Variants in SRFBP1 observed in about 807,000 individuals in gnomAD.
The protein encoded by SRFBP1 is serum response factor binding protein 1, also known as serum response factor-binding protein 1.
A neutral mutation model predicts 45.5 loss-of-function variants in SRFBP1; 47 were observed. That is an observed-to-expected ratio of 1.03 (90% CI 0.82 to 1.32). The LOEUF is 1.32. Among genes scored for constraint, SRFBP1 ranks in the 40% most tolerant of loss-of-function variants. The pLI, the probability that SRFBP1 is intolerant of heterozygous loss-of-function variation, is 0.00. For synonymous variants in SRFBP1, 203 were observed against 166.3 expected, an observed-to-expected ratio of 1.22 and a Z score of -1.70; for missense variants, 621 against 484.6, an observed-to-expected ratio of 1.28 and a Z score of -2.64.
At chr5:121,982,070 A>G (rs974563180) in intron 3 of SRFBP1, among the ~76,000 whole-genome samples, 8 of 151,940 alleles carry the variant, frequency 5.3e-5, no homozygotes, top group African/African-American at 1.9e-4. Context: ...ATCTGTAATC[A>G]GAAGCTTTTC....
chr5:121,967,575 A>G (rs1020952859), intron 1 of SRFBP1, among the ~76,000 whole-genome samples: 1 of 152,164 alleles, frequency 6.6e-6, no homozygotes, highest in Admixed American at 6.5e-5. Context: ...GCCTCACTCT[A>G]TAATCCCAGC....
At chr5:122,002,477 A>T (rs1292686256) in intron 4 of SRFBP1, among the ~76,000 whole-genome samples, 1 of 152,198 alleles carries the variant, frequency 6.6e-6, no homozygotes. Context: ...ATTCTTACCA[A>T]TGACTTTTAT....
At chr5:122,057,897 T>C (rs1049686991) in intron 2 of SRFBP1, among the ~76,000 whole-genome samples, 2 of 152,036 alleles carry the variant, frequency 1.3e-5, no homozygotes, top group African/African-American at 4.8e-5. Flanking sequence ...CATGCTGGTC[T>C]CTAACTCCTC....
chr5:122,030,398 A>T (rs990600612), downstream of SRFBP1, among the ~76,000 whole-genome samples: 1 of 152,236 alleles, frequency 6.6e-6, no homozygotes, highest in Non-Finnish European at 1.5e-5. Flanking sequence ...GCAAACCAGC[A>T]GCCTGGCAGC....
chr5:122,007,116 G>C lies in SRFBP1; in HGVS notation c.271-12144G>C, dbSNP rs565816722. ...GGGCAGAGTGTCTGGCATGATTTGA[G>C]GGCAGGCTTGCTGCTGGAATCTTTG... is the stretch of plus-strand genomic sequence containing the variant. On this transcript the variant is annotated intron_variant, in intron 4 of 7. Transcript: ENST00000339397. Among the ~76,000 whole-genome samples, 33 of 152,212 alleles carry C rather than the reference G, an allele frequency of 2.2e-4. 1 individual carries two copies. In the South Asian group the frequency reaches 6.8e-3, roughly 32 times the overall value.
At position 122,014,464 on chromosome 5, in the gene SRFBP1, G is replaced by A. The variant is rs530520619; in HGVS notation, c.271-4796G>A. ...ATTATGCAACACGGTGGCCCTTTTC[G>A]AATCAGTCTCATTTTATATAAACTT... On this transcript the variant is annotated intron_variant, in intron 4 of 7. Transcript: ENST00000339397. Among the ~76,000 whole-genome samples, 9 of 151,726 alleles carry A rather than the reference G, an allele frequency of 5.9e-5. No individual in the cohort carries two copies. The South Asian group carries it at 6.2e-4, about 11-fold the overall frequency.
chr5:121,965,732 C>G (rs1318780110), intron 1 of SRFBP1, among the ~76,000 whole-genome samples: 2 of 152,090 alleles, frequency 1.3e-5, no homozygotes, highest in Non-Finnish European at 1.5e-5. Context: ...TGAAGAAAGT[C>G]AATGGTAGCT....
At position 121,988,464 on chromosome 5, in the gene SRFBP1, A is replaced by G. The variant is rs537845339; in HGVS notation, c.199-6135A>G. Among the ~76,000 whole-genome samples, 121 of 152,322 alleles carry G rather than the reference A, an allele frequency of 7.9e-4. 1 individual carries two copies. The highest frequency in any genetic ancestry group is 2.8e-3 in the African/African-American group (117 of 41,582). ...GCAAAAGGAAGAGCACATGGGGTGA[A>G]GTCCAGGAAAAAATAGGCATAATTC... On this transcript the variant is annotated intron_variant, in intron 3 of 7. Transcript: ENST00000339397.
rs760317138 is a variant in SRFBP1, at chr5:122,026,905, G to A, written c.1106-37G>A. ...TTTACTTCTCCTATATGCTCTTTAAGTATATAGTTATTATTATTTTTGCTT... is the reference window on the plus strand; with the variant it reads ...TTTACTTCTCCTATATGCTCTTTAAATATATAGTTATTATTATTTTTGCTT... On this transcript the variant is annotated intron_variant, in intron 7 of 7. Transcript: ENST00000339397. 5.5e-6 allele frequency: 8 copies of A among 1,454,030 alleles called. No homozygotes were observed. The Admixed American group carries it at 9.8e-5, about 18-fold the overall frequency. The allele number at this position is 1,454,030 out of a possible 1,614,324, so 90.1% of individuals were successfully genotyped here.
intron 4 of SRFBP1, among the ~76,000 whole-genome samples, chr5:122,013,582 A>C (rs1034312719): frequency 6.6e-6 from 1 of 152,278 alleles, no homozygotes; most frequent in Admixed American, 6.5e-5. Context: ...AAGATTACTT[A>C]TGATGAACAA....
intron 3 of SRFBP1, among the ~76,000 whole-genome samples, chr5:121,977,038 G>A (rs995958916): frequency 6.6e-6 from 1 of 151,894 alleles, no homozygotes; most frequent in Non-Finnish European, 1.5e-5. Context: ...AGAAAGAAAA[G>A]TTGTCCTTTT....
At chr5:122,025,411 G>A (rs995995811) in intron 7 of SRFBP1, among the ~76,000 whole-genome samples, 17 of 152,168 alleles carry the variant, frequency 1.1e-4, no homozygotes, top group East Asian at 7.7e-4. Flanking sequence ...GAATAGTGCC[G>A]CAATAAACAT....
At chr5:122,001,583 C>G (rs183421311) in intron 4 of SRFBP1, among the ~76,000 whole-genome samples, 6,017 of 118,292 alleles carry the variant, frequency 0.051, 152 homozygotes, top group African/African-American at 0.073. Flanking sequence ...GAGACGGAGT[C>G]TCGCTCTGTC....
At chr5:122,037,656 A>G (rs1166515254) in intron 2 of SRFBP1, among the ~76,000 whole-genome samples, 3 of 151,716 alleles carry the variant, frequency 2.0e-5, no homozygotes, top group African/African-American at 4.9e-5. Flanking sequence ...ACACCTGGCT[A>G]TTCAGTTTTT....
chr5:122,040,499 G>C (rs1425819014), intron 2 of SRFBP1, among the ~76,000 whole-genome samples: 1 of 152,164 alleles, frequency 6.6e-6, no homozygotes, highest in Non-Finnish European at 1.5e-5. Context: ...AAAGCTTAGA[G>C]GGTCAATAAA....
rs530256132 is a variant in SRFBP1, at chr5:122,004,243, A to G, written c.270+9573A>G. ...TTGCATATATCTTATGTTTTCCTCTAGCAGTTTTACAGTTTCCAGCCTTAC... is the reference window on the plus strand; with the variant it reads ...TTGCATATATCTTATGTTTTCCTCTGGCAGTTTTACAGTTTCCAGCCTTAC... On this transcript the variant is annotated intron_variant, in intron 4 of 7. Coordinates refer to ENST00000339397, the MANE Select transcript of SRFBP1 (RefSeq NM_152546.3). Among the ~76,000 whole-genome samples, 20 of 152,286 alleles carry G rather than the reference A, an allele frequency of 1.3e-4. 1 individual carries two copies. Among genetic ancestry groups the G allele is most frequent in the African/African-American group, 4.8e-4 (20 of 41,564 alleles).
intron 2 of SRFBP1, among the ~76,000 whole-genome samples, chr5:122,048,727 G>C (rs1254600958): frequency 6.6e-6 from 1 of 152,268 alleles, no homozygotes; most frequent in African/African-American, 2.4e-5. Flanking sequence ...TTCAGAGCCT[G>C]TTATTGGTCT....
chr5:122,020,469 G>A lies in SRFBP1; in HGVS notation c.734G>A (p.Gly245Asp), dbSNP rs80254192. 6.2e-7 allele frequency: 1 copy of A among 1,614,074 alleles called. No homozygotes were observed. Among genetic ancestry groups the A allele is most frequent in the East Asian group, 2.2e-5 (1 of 44,872 alleles). ...KNKGSDSSLS[G>D]NSDGGEEFCE... ...AAAGGATCTGATAGCTCACTCTCTGGTAACAGTGATGGCGGAGAAGAATTT... is the reference window on the plus strand; with the variant it reads ...AAAGGATCTGATAGCTCACTCTCTGATAACAGTGATGGCGGAGAAGAATTT... The change falls in exon 6 of 8, where the codon GGT becomes GAT. Residue 245 changes from glycine to aspartate, a missense_variant. By Grantham distance (94) the Gly-to-Asp change is moderately conservative. Coordinates refer to ENST00000339397, the MANE Select transcript of SRFBP1 (RefSeq NM_152546.3).
At chr5:122,042,623 T>C (rs62381255) in intron 2 of SRFBP1, among the ~76,000 whole-genome samples, 2,578 of 152,336 alleles carry the variant, frequency 0.017, 41 homozygotes, top group Non-Finnish European at 0.02. Context: ...CATATTTGTG[T>C]TTTATACTTC....
Sources: gnomAD v4.1 joint callset for allele counts (sites outside exome capture counted in the v4.1 genomes callset) on GRCh38, gnomAD v4.1.1 for gene constraint, MANE v1.5 for transcripts, NCBI Gene and HGNC (gene_info 2026-07-23, HGNC 2026-07-21) for gene names.